TCF7: variants seen among roughly 807,000 people sequenced by gnomAD.
TCF7 encodes transcription factor 7, also known as T-cell-factor-7.
In TCF7, 19 loss-of-function variants were observed where a neutral mutation model predicts 46.8. That is an observed-to-expected ratio of 0.41 (90% CI 0.28 to 0.60). The LOEUF is 0.60. Ranked by LOEUF, TCF7 falls within the 20% of genes least tolerant of loss-of-function variation. The pLI, the probability that TCF7 is intolerant of heterozygous loss-of-function variation, is 0.35. For missense variants in TCF7, 547 were observed against 504.6 expected (o/e 1.08, Z -0.81); for synonymous variants, 245 against 213.4 (o/e 1.15, Z -1.29).
At chr5:134,121,893 G>A (rs1756647772) in intron 3 of TCF7, among the ~76,000 whole-genome samples, 1 of 152,248 alleles carries the variant, frequency 6.6e-6, no homozygotes, top group African/African-American at 2.4e-5. Flanking sequence ...CCAGTGCGCT[G>A]TAGGTTCTGA....
At position 134,147,363 on chromosome 5, in the gene TCF7, C is replaced by T. The variant is rs1228020290; in HGVS notation, c.*1060C>T. 6.6e-6 allele frequency: 1 copy of T among 152,422 alleles called. No homozygotes were observed. The highest frequency in any genetic ancestry group is 1.5e-5 in the Non-Finnish European group (1 of 68,198). The allele number at this position is 152,422 out of a possible 1,614,324, so 9.4% of individuals were successfully genotyped here. ...GTGCACCCCTCCCCATTCACAGAGC[C>T]TTTTTCACAATTCCATTTCCAGTTC... On this transcript the variant is annotated 3_prime_UTR_variant, in exon 10 of 10. Coordinates refer to ENST00000342854, the MANE Select transcript of TCF7 (RefSeq NM_003202.5).
At chr5:134,110,767 G>A (rs1755317501), upstream of TCF7, among the ~76,000 whole-genome samples, 1 of 152,190 alleles carries the variant, frequency 6.6e-6, no homozygotes, top group Non-Finnish European at 1.5e-5. Context: ...CCTTTGAGAC[G>A]TTTTCTGGAA....
intron 4 of TCF7, chr5:134,138,665 G>T (rs1238437993): frequency 2.5e-6 from 1 of 398,954 alleles, no homozygotes; most frequent in African/African-American, 2.0e-5. Flanking sequence ...GGAGTCCCCC[G>T]AGCAGAGATG....
At chr5:134,127,668 C>T (rs1757518982) in intron 3 of TCF7, among the ~76,000 whole-genome samples, 1 of 152,234 alleles carries the variant, frequency 6.6e-6, no homozygotes, top group South Asian at 2.1e-4. Flanking sequence ...GAACCAGAGC[C>T]GCTGCCAGCC....
intron 5 of TCF7, chr5:134,139,926 A>G (rs1759485860): frequency 6.6e-6 from 1 of 152,232 alleles, no homozygotes; most frequent in African/African-American, 2.4e-5. Flanking sequence ...CCTAGGATCA[A>G]AGCGTGGCAA....
At position 134,116,052 on chromosome 5, in the gene TCF7, C is replaced by T; in HGVS notation, c.441+19C>T. Reference sequence around the variant, plus strand: ...CCCGCTGGTAAGTGGACCCCGCAGCCAGTGCCGCCCTGTGCTTGCAGCCTC... The same window carrying T: ...CCCGCTGGTAAGTGGACCCCGCAGCTAGTGCCGCCCTGTGCTTGCAGCCTC... On this transcript the variant is annotated intron_variant, in intron 3 of 9. Transcript: ENST00000342854. 2 of 1,603,926 alleles carry T rather than the reference C, an allele frequency of 1.2e-6. No individual in the cohort carries two copies. The highest frequency in any genetic ancestry group is 1.7e-6 in the Non-Finnish European group (2 of 1,175,550).
At chr5:134,116,808 G>A (rs1031696593) in intron 3 of TCF7, among the ~76,000 whole-genome samples, 3 of 152,358 alleles carry the variant, frequency 2.0e-5, no homozygotes, top group South Asian at 2.1e-4. Flanking sequence ...GTACAGCTGC[G>A]CTTTTAAAGA....
chr5:134,115,769 C>T, intron 2 of TCF7, 140 bp from the exon 3 acceptor site: 3 of 1,484,842 alleles, frequency 2.0e-6, no homozygotes, highest in African/African-American at 1.4e-5. Context: ...TTGGCACTGC[C>T]GATACTCCCA....
intron 3 of TCF7, among the ~76,000 whole-genome samples, chr5:134,121,487 G>A (rs535372232): frequency 4.5e-4 from 68 of 151,898 alleles, no homozygotes; most frequent in Middle Eastern, 3.4e-3. Flanking sequence ...TACTCAGGAG[G>A]CTGAGGCAGG....
At position 134,142,932 on chromosome 5, in the gene TCF7, C is replaced by G. The variant is rs374824283; in HGVS notation, c.918+49C>G. ...GGCAGGGATGCTCCCCGACCATCTTCAGCCTGGTGCAGCCTGCTGACTCCC... is the reference window on the plus strand; with the variant it reads ...GGCAGGGATGCTCCCCGACCATCTTGAGCCTGGTGCAGCCTGCTGACTCCC... On this transcript the variant is annotated intron_variant, in intron 7 of 9. Coordinates refer to ENST00000342854, the MANE Select transcript of TCF7 (RefSeq NM_003202.5). The G allele has an allele frequency of 2.5e-6, 4 of 1,611,298 alleles. No homozygotes were observed. In the African/African-American group the frequency reaches 4.0e-5, roughly 16 times the overall value.
chr5:134,111,303 A>G (rs1226821865), upstream of TCF7, among the ~76,000 whole-genome samples: 2 of 152,088 alleles, frequency 1.3e-5, no homozygotes, highest in African/African-American at 4.8e-5. Flanking sequence ...GTGCAAGCTC[A>G]TTTGCGTGAA....
At chr5:134,123,802 G>C (rs1433488503) in intron 3 of TCF7, 1 of 456,340 alleles carries the variant, frequency 2.2e-6, no homozygotes, top group South Asian at 1.5e-5. Context: ...AATTGGACAT[G>C]GCGGACAAAG....
At chr5:134,121,856 G>A (rs1756639189) in intron 3 of TCF7, among the ~76,000 whole-genome samples, 1 of 152,198 alleles carries the variant, frequency 6.6e-6, no homozygotes, top group Non-Finnish European at 1.5e-5. Context: ...GGCAGGAAGA[G>A]TCGAGGCGTT....
chr5:134,147,200 G>T lies in TCF7; in HGVS notation c.*897G>T, dbSNP rs1760810092. Reference sequence around the variant, plus strand: ...CTACCTTATCAGGCAAATTGGGGAGGGGAGGGTGTATCTAGCTCTAGTTCA... The same window carrying T: ...CTACCTTATCAGGCAAATTGGGGAGTGGAGGGTGTATCTAGCTCTAGTTCA... On this transcript the variant is annotated 3_prime_UTR_variant, in exon 10 of 10. Coordinates refer to ENST00000342854, the MANE Select transcript of TCF7 (RefSeq NM_003202.5). 6.6e-6 allele frequency: 1 copy of T among 152,254 alleles called. No homozygotes were observed. Among genetic ancestry groups the T allele is most frequent in the African/African-American group, 2.4e-5 (1 of 41,420 alleles). 9.4% of individuals were successfully genotyped at this position (152,254 alleles called of 1,614,324 possible). A position where few individuals can be genotyped will look rare whatever the true frequency, so the allele number is the denominator to read the frequency against.
chr5:134,143,482 G>A (rs1199660482), intron 8 of TCF7, 110 bp from the exon 9 acceptor site: 5 of 1,293,102 alleles, frequency 3.9e-6, no homozygotes, highest in Non-Finnish European at 5.6e-6. Context: ...CCCAAGGTAG[G>A]AGGGGCCTGT....
At position 134,143,035 on chromosome 5, in the gene TCF7, C is replaced by A. The variant is rs1760092098; in HGVS notation, c.961C>A (p.Leu321Met). Residue 321 changes from leucine to methionine, a missense_variant, in exon 8 of 10, where the codon CTG (leucine) becomes ATG (methionine). Coordinates refer to ENST00000342854, the MANE Select transcript of TCF7 (RefSeq NM_003202.5). ...SREEQAKYYE[L>M]ARKERQLHMQ... ...AGAAGAGCAGGCCAAGTACTATGAG[C>A]TGGCCCGCAAGGAGAGGCAGCTGCA... The A allele has an allele frequency of 1.2e-6, 2 of 1,612,436 alleles. No individual in the cohort carries two copies. The highest frequency in any genetic ancestry group is 2.2e-5 in the East Asian group (1 of 44,810).
At chr5:134,114,062 G>A (rs1755462286), upstream of TCF7, among the ~76,000 whole-genome samples, 3 of 152,180 alleles carry the variant, frequency 2.0e-5, no homozygotes, top group South Asian at 6.2e-4. Context: ...TGAGGGGCCC[G>A]TCACAGATGT....
upstream of TCF7, among the ~76,000 whole-genome samples, chr5:134,111,401 G>T (rs1755327407): frequency 6.6e-6 from 1 of 152,144 alleles, no homozygotes; most frequent in Non-Finnish European, 1.5e-5. Context: ...TCCTGGTCCT[G>T]AAACTCCCCG....
At chr5:134,132,838 C>T (rs1758339865) in intron 3 of TCF7, among the ~76,000 whole-genome samples, 1 of 152,294 alleles carries the variant, frequency 6.6e-6, no homozygotes. Context: ...GTTTCCATCT[C>T]CTCCTGCTTG....
Sources: gnomAD v4.1 joint callset for allele counts (sites outside exome capture counted in the v4.1 genomes callset) on GRCh38, gnomAD v4.1.1 for gene constraint, MANE v1.5 for transcripts, NCBI Gene and HGNC (gene_info 2026-07-23, HGNC 2026-07-21) for gene names.